Variants in MLLT3 observed in about 807,000 individuals in gnomAD.
MLLT3 encodes the protein MLLT3 super elongation complex subunit, also known as protein AF-9.
In MLLT3, 4 loss-of-function variants were observed where a neutral mutation model predicts 53.2. That is an observed-to-expected ratio of 0.08 (90% CI 0.04 to 0.17). The LOEUF is 0.17. Ranked by LOEUF, MLLT3 falls within the 10% of genes least tolerant of loss-of-function variation. MLLT3 has a pLI of 1.00. For missense variants in MLLT3, 569 were observed against 684.0 expected, an observed-to-expected ratio of 0.83 and a Z score of 1.87; for synonymous variants, 283 against 230.6, an observed-to-expected ratio of 1.23 and a Z score of -2.06.
intron 2 of MLLT3, among the ~76,000 whole-genome samples, chr9:20,559,843 T>G (rs1381193403): frequency 6.6e-6 from 1 of 152,190 alleles, no homozygotes; most frequent in East Asian, 1.9e-4. Context: ...AAGACTGACT[T>G]TCTGACAAAT....
chr9:20,608,675 T>C (rs1820628901), intron 2 of MLLT3, among the ~76,000 whole-genome samples: 2 of 151,830 alleles, frequency 1.3e-5, no homozygotes, highest in South Asian at 4.1e-4. Flanking sequence ...AATAGCAAAA[T>C]TTGAAAATGT....
intron 4 of MLLT3, among the ~76,000 whole-genome samples, chr9:20,432,707 A>C (rs1023938683): frequency 6.6e-6 from 1 of 152,138 alleles, no homozygotes; most frequent in Non-Finnish European, 1.5e-5. Flanking sequence ...AAAAGTGCAA[A>C]ATCAAAATCT....
At chr9:20,352,763 C>T (rs893008749) in intron 10 of MLLT3, among the ~76,000 whole-genome samples, 1 of 143,984 alleles carries the variant, frequency 6.9e-6, no homozygotes, top group Admixed American at 6.9e-5. Flanking sequence ...GTACTAACGT[C>T]AAGTCATTTG....
At chr9:20,435,535 A>T (rs1010122868) in intron 4 of MLLT3, among the ~76,000 whole-genome samples, 3 of 152,212 alleles carry the variant, frequency 2.0e-5, no homozygotes, top group Non-Finnish European at 4.4e-5. Flanking sequence ...CTTCAAAATG[A>T]AAAGTATTTA....
intron 10 of MLLT3, among the ~76,000 whole-genome samples, chr9:20,350,074 T>C (rs917465766): frequency 6.6e-6 from 1 of 152,218 alleles, no homozygotes; most frequent in Non-Finnish European, 1.5e-5. Flanking sequence ...GGAATCCTGA[T>C]AGTTAGAACG....
chr9:20,422,823 G>A (rs766553295), intron 4 of MLLT3, among the ~76,000 whole-genome samples: 1 of 152,186 alleles, frequency 6.6e-6, no homozygotes, highest in Non-Finnish European at 1.5e-5. Flanking sequence ...TCATCTGGTA[G>A]CAATGTGGGA....
intron 3 of MLLT3, among the ~76,000 whole-genome samples, chr9:20,453,380 G>A (rs1287143703): frequency 6.6e-6 from 1 of 152,112 alleles, no homozygotes; most frequent in East Asian, 1.9e-4. Flanking sequence ...GGGCAACATG[G>A]TGAAACCCTG....
At position 20,360,946 on chromosome 9, in the gene MLLT3, A is replaced by G. The variant is rs1049739451; in HGVS notation, c.1332-105T>C. The G allele has an allele frequency of 2.2e-5, 21 of 966,364 alleles. No individual in the cohort carries two copies. In the Admixed American group the frequency reaches 4.0e-4, roughly 19 times the overall value. The allele number at this position is 966,364 out of a possible 1,614,324, so 59.9% of individuals were successfully genotyped here. A position where few individuals can be genotyped will look rare whatever the true frequency, so the allele number is the denominator to read the frequency against. On this transcript the variant is annotated intron_variant, in intron 7 of 10. Coordinates refer to ENST00000380338, the MANE Select transcript of MLLT3 (RefSeq NM_004529.4). ...CACAGAATCCAAACACTAACCCTTG[A>G]CAAGTTCATTTTAACTCACAGCCGC...
chr9:20,601,565 T>G (rs1008687521), intron 2 of MLLT3, among the ~76,000 whole-genome samples: 1 of 152,190 alleles, frequency 6.6e-6, no homozygotes, highest in African/African-American at 2.4e-5. Context: ...GAGTTTCTTT[T>G]GCTCCACAAA....
At chr9:20,533,892 G>C (rs1481840076) in intron 2 of MLLT3, among the ~76,000 whole-genome samples, 1 of 152,270 alleles carries the variant, frequency 6.6e-6, no homozygotes, top group South Asian at 2.1e-4. Flanking sequence ...CTGAGAGGTG[G>C]GAGAATCAGG....
intron 4 of MLLT3, among the ~76,000 whole-genome samples, chr9:20,435,919 G>A (rs531553074): frequency 6.6e-5 from 10 of 152,134 alleles, no homozygotes; most frequent in Middle Eastern, 3.4e-3. Context: ...CACGCATGGC[G>A]GGGTAGTGGA....
At chr9:20,587,249 C>T (rs1233425155) in intron 2 of MLLT3, among the ~76,000 whole-genome samples, 4 of 147,432 alleles carry the variant, frequency 2.7e-5, no homozygotes, top group Non-Finnish European at 4.5e-5. Context: ...TTCAAAGAAA[C>T]CAATAAGACA....
At chr9:20,348,871 G>A (rs1820941875) in intron 10 of MLLT3, among the ~76,000 whole-genome samples, 1 of 151,992 alleles carries the variant, frequency 6.6e-6, no homozygotes, top group African/African-American at 2.4e-5. Flanking sequence ...TGCCCACAGA[G>A]GCTTTTCATG....
intron 4 of MLLT3, among the ~76,000 whole-genome samples, chr9:20,440,060 C>T (rs2118832802): frequency 6.6e-6 from 1 of 152,086 alleles, no homozygotes; most frequent in African/African-American, 2.4e-5. Context: ...AATAAATCTG[C>T]AGAAAAAAAG....
At chr9:20,461,968 T>C (rs916439207) in intron 2 of MLLT3, among the ~76,000 whole-genome samples, 7 of 152,272 alleles carry the variant, frequency 4.6e-5, no homozygotes, top group Admixed American at 2.0e-4. Flanking sequence ...TATTTTGGAC[T>C]CCCTCACTTC....
intron 5 of MLLT3, among the ~76,000 whole-genome samples, chr9:20,388,587 CA>C (rs1364569660): frequency 6.7e-6 from 1 of 149,370 alleles, no homozygotes. Flanking sequence ...GACTCGGTCT[CA>C]AAAAAACAAA....
At chr9:20,597,490 A>G (rs1320901203) in intron 2 of MLLT3, among the ~76,000 whole-genome samples, 1 of 152,182 alleles carries the variant, frequency 6.6e-6, no homozygotes, top group East Asian at 1.9e-4. Context: ...TTCCTTTACA[A>G]CAAATTTACC....
intron 4 of MLLT3, among the ~76,000 whole-genome samples, chr9:20,421,869 G>C (rs890972026): frequency 6.6e-6 from 1 of 152,156 alleles, no homozygotes; most frequent in African/African-American, 2.4e-5. Context: ...CTAAGGGAAA[G>C]AGTGAAGCAA....
rs1820820784 is a variant in MLLT3, at chr9:20,344,688, G to C, written c.*1755C>G. On this transcript the variant is annotated 3_prime_UTR_variant, in exon 11 of 11. Coordinates refer to ENST00000380338, the MANE Select transcript of MLLT3 (RefSeq NM_004529.4). Reference sequence around the variant, plus strand: ...ATTATAATTTTTTAAAGGAAAAATAGTTTCTTTGGATAGAAAGAAACAGTG... The same window carrying C: ...ATTATAATTTTTTAAAGGAAAAATACTTTCTTTGGATAGAAAGAAACAGTG... 1 of 206,652 alleles carries C rather than the reference G, an allele frequency of 4.8e-6. No homozygotes were observed. The allele number at this position is 206,652 out of a possible 1,614,324, so 12.8% of individuals were successfully genotyped here.
Sources: allele counts gnomAD v4.1 joint callset (sites outside exome capture counted in the v4.1 genomes callset), GRCh38; gene constraint gnomAD v4.1.1; transcripts MANE v1.5; gene names NCBI Gene and HGNC (gene_info 2026-07-23, HGNC 2026-07-21).